Variants in LRBA observed in about 807,000 individuals in gnomAD.
LRBA encodes the protein LPS responsive beige-like anchor protein, also known as lipopolysaccharide-responsive and beige-like anchor protein.
A neutral mutation model predicts 330.0 loss-of-function variants in LRBA; 176 were observed. The observed-to-expected ratio is 0.53, with a 90% CI of 0.47 to 0.60. The LOEUF (loss-of-function observed/expected upper bound fraction) is 0.60, where lower values mean the gene tolerates loss of function less well. Among genes scored for constraint, LRBA ranks in the 20% least tolerant of loss-of-function variants. The probability of loss-of-function intolerance (pLI) is 0.00; values close to 1 mark genes in which losing one functional copy is unlikely to be tolerated. For synonymous variants in LRBA, 1,230 were observed against 1,193.0 expected, an observed-to-expected ratio of 1.03 and a Z score of -0.64; for missense variants, 3,259 against 3,444.8, an observed-to-expected ratio of 0.95 and a Z score of 1.35.
intron 37 of LRBA, among the ~76,000 whole-genome samples, chr4:150,672,411 A>G (rs1312929337): frequency 1.3e-5 from 2 of 152,000 alleles, no homozygotes; most frequent in Non-Finnish European, 2.9e-5. Context: ...TTGCAGAAGT[A>G]TATACTTACT....
intron 7 of LRBA, among the ~76,000 whole-genome samples, chr4:150,916,040 T>G (rs1470658186): frequency 1.3e-5 from 2 of 152,156 alleles, no homozygotes; most frequent in African/African-American, 4.8e-5. Context: ...GTCAATTTTT[T>G]GCCATATTTG....
At chr4:150,316,112 CAATT>C (rs1222295392) in intron 50 of LRBA, among the ~76,000 whole-genome samples, 1 of 152,070 alleles carries the variant, frequency 6.6e-6, no homozygotes, top group Non-Finnish European at 1.5e-5. Context: ...TAAAATCAAT[CAATT>C]GAAAGTTTGA....
In LRBA at chr4:150,318,420, C is replaced by G. The variant is rs370623230; in HGVS notation, c.7630+2771G>C. Among the ~76,000 whole-genome samples, 3 of 151,734 alleles carry G rather than the reference C, an allele frequency of 2.0e-5. No homozygotes were observed. The East Asian group carries it at 5.8e-4, about 29-fold the overall frequency. On this transcript the variant is annotated intron_variant, in intron 50 of 56. Coordinates refer to ENST00000651943, the MANE Select transcript of LRBA (RefSeq NM_001364905.1). ...TGAATGAGCTATGGAAATCATAGAT[C>G]CTCAGAAAAGAAACAGAACCTAAAA...
intron 2 of LRBA, among the ~76,000 whole-genome samples, chr4:150,966,096 T>C (rs1287158111): frequency 6.6e-6 from 1 of 152,194 alleles, no homozygotes; most frequent in Non-Finnish European, 1.5e-5. Context: ...ACATGATCCA[T>C]CTTCATTTTC....
At position 150,321,510 on chromosome 4, in the gene LRBA, T is replaced by C; in HGVS notation, c.7453-142A>G. 1.6e-6 allele frequency: 1 copy of C among 623,836 alleles called. No homozygotes were observed. The highest frequency in any genetic ancestry group is 2.6e-6 in the Non-Finnish European group (1 of 386,320). 38.6% of individuals were successfully genotyped at this position (623,836 alleles called of 1,614,324 possible). ...ACATGAGTTGTAAGTGGAAGCACAGTGAGCAGAAAGGCTTGTAGAAACAGC... is the reference window on the plus strand; with the variant it reads ...ACATGAGTTGTAAGTGGAAGCACAGCGAGCAGAAAGGCTTGTAGAAACAGC... On this transcript the variant is annotated intron_variant, in intron 49 of 56. Coordinates refer to ENST00000651943, the MANE Select transcript of LRBA (RefSeq NM_001364905.1). The surrounding 1 kb of genome is among the most constrained non-coding windows in gnomAD (Gnocchi z 4.5).
intron 37 of LRBA, among the ~76,000 whole-genome samples, chr4:150,670,282 G>A (rs1374038045): frequency 6.6e-6 from 1 of 152,098 alleles, no homozygotes; most frequent in Non-Finnish European, 1.5e-5. Context: ...AAGAAGAGCT[G>A]TCTCTTACCT....
At chr4:150,545,009 T>C (rs1356780481) in intron 40 of LRBA, among the ~76,000 whole-genome samples, 2 of 152,190 alleles carry the variant, frequency 1.3e-5, no homozygotes, top group Non-Finnish European at 2.9e-5. Context: ...TATGATGATG[T>C]GAAGTGCTTA....
intron 9 of LRBA, among the ~76,000 whole-genome samples, chr4:150,912,119 T>G (rs1235917022): frequency 6.6e-6 from 1 of 152,170 alleles, no homozygotes; most frequent in African/African-American, 2.4e-5. Context: ...ATTTTGCTGA[T>G]GTTTAATTAA....
chr4:150,402,459 C>G (rs1334544182), intron 47 of LRBA, among the ~76,000 whole-genome samples: 8 of 151,950 alleles, frequency 5.3e-5, no homozygotes, highest in Non-Finnish European at 8.8e-5. Flanking sequence ...TATAGAAATT[C>G]TAAGTGCCAC....
chr4:150,995,540 T>A (rs1742533187), intron 2 of LRBA, among the ~76,000 whole-genome samples: 1 of 151,964 alleles, frequency 6.6e-6, no homozygotes, highest in Non-Finnish European at 1.5e-5. Context: ...CAAACAATTG[T>A]AATGTTTCTG....
At chr4:150,549,998 A>G (rs541919046) in intron 40 of LRBA, among the ~76,000 whole-genome samples, 22 of 152,330 alleles carry the variant, frequency 1.4e-4, no homozygotes, top group African/African-American at 4.8e-4. Context: ...AACCCATACA[A>G]CACATAGTGT....
chr4:150,434,258 A>G lies in LRBA; in HGVS notation c.7041+1331T>C, dbSNP rs75082289. 2.6e-3 allele frequency among the ~76,000 whole-genome samples: 402 copies of G among 152,278 alleles called. 1 individual carries two copies. The highest frequency in any genetic ancestry group is 9.0e-3 in the African/African-American group (375 of 41,572). ...GATCTAACACAGTACACCTTGCAGAAAGAGACACCATTTAAAAAAAAATAG... is the reference window on the plus strand; with the variant it reads ...GATCTAACACAGTACACCTTGCAGAGAGAGACACCATTTAAAAAAAAATAG... On this transcript the variant is annotated intron_variant, in intron 46 of 56. Coordinates refer to ENST00000651943, the MANE Select transcript of LRBA (RefSeq NM_001364905.1).
At chr4:150,411,083 C>G (rs1746928046) in intron 47 of LRBA, among the ~76,000 whole-genome samples, 1 of 152,116 alleles carries the variant, frequency 6.6e-6, no homozygotes, top group Non-Finnish European at 1.5e-5. Context: ...AGGGACCAAT[C>G]TCAGGGATAT....
intron 46 of LRBA, among the ~76,000 whole-genome samples, chr4:150,435,005 A>G (rs936705360): frequency 2.6e-5 from 4 of 152,156 alleles, no homozygotes; most frequent in Admixed American, 2.0e-4. Context: ...AAAGACAGAG[A>G]GAGAGGAAGG....
At chr4:150,818,566 G>A (rs927534019) in intron 30 of LRBA, among the ~76,000 whole-genome samples, 28 of 133,748 alleles carry the variant, frequency 2.1e-4, no homozygotes, top group African/African-American at 7.3e-4. Flanking sequence ...GTGTGTGTGC[G>A]TGCACGAATG....
chr4:150,506,316 C>T (rs1261150144), intron 40 of LRBA, among the ~76,000 whole-genome samples: 1 of 152,110 alleles, frequency 6.6e-6, no homozygotes. Context: ...AACATTGATG[C>T]AAAAATCCTC....
intron 44 of LRBA, among the ~76,000 whole-genome samples, chr4:150,454,907 A>C (rs552691177): frequency 4.0e-5 from 6 of 151,714 alleles, no homozygotes; most frequent in African/African-American, 1.4e-4. Flanking sequence ...TTTATTTCTT[A>C]TTATTAATTT....
At chr4:150,545,441 A>AT (rs1765751337) in intron 40 of LRBA, among the ~76,000 whole-genome samples, 1 of 152,070 alleles carries the variant, frequency 6.6e-6, no homozygotes, top group Non-Finnish European at 1.5e-5. Flanking sequence ...TAATTCTTTT[A>AT]TTTTACTTAT....
At chr4:150,737,476 A>G (rs988268516) in intron 35 of LRBA, among the ~76,000 whole-genome samples, 2 of 151,836 alleles carry the variant, frequency 1.3e-5, no homozygotes, top group Admixed American at 1.3e-4. Context: ...TGAACAAACG[A>G]ATGAACGAAC....
Sources: allele counts gnomAD v4.1 joint callset (sites outside exome capture counted in the v4.1 genomes callset), GRCh38; gene constraint gnomAD v4.1.1; non-coding constraint Gnocchi (gnomAD v3.1); transcripts MANE v1.5; gene names NCBI Gene and HGNC (gene_info 2026-07-23, HGNC 2026-07-21).